Variants in TIMM23B observed in about 807,000 individuals in gnomAD.
The protein encoded by TIMM23B is mitochondrial import inner membrane translocase subunit Tim23B.
A neutral mutation model predicts 27.3 loss-of-function variants in TIMM23B; 27 were observed. The ratio of observed to expected loss-of-function variants is 0.99; its 90% CI spans 0.73 to 1.36. TIMM23B has a LOEUF of 1.36. Ranked by LOEUF, TIMM23B falls within the 40% of genes most tolerant of loss-of-function variation. The probability of loss-of-function intolerance (pLI) is 0.00; values close to 1 mark genes in which losing one functional copy is unlikely to be tolerated. For missense variants in TIMM23B, 205 were observed against 244.2 expected, an observed-to-expected ratio of 0.84 and a Z score of 1.07; for synonymous variants, 73 against 92.4, an observed-to-expected ratio of 0.79 and a Z score of 1.21.
At chr10:49,953,353 T>G (rs1286989075) in intron 4 of TIMM23B, among the ~76,000 whole-genome samples, 40,441 of 151,970 alleles carry the variant, frequency 0.27, 5,672 homozygotes, top group Non-Finnish European at 0.32. Context: ...TTAAATTGTG[T>G]GGTTTTTTGA....
At position 49,966,693 on chromosome 10, in the gene TIMM23B, C is replaced by T. The variant is rs377667056; in HGVS notation, c.515-6319C>T. Among the ~76,000 whole-genome samples, 16 of 152,170 alleles carry T rather than the reference C, an allele frequency of 1.1e-4. No homozygotes were observed. In the East Asian group the frequency reaches 2.1e-3, roughly 20 times the overall value. On this transcript the variant is annotated intron_variant, in intron 6 of 6. Transcript: ENST00000651259. Reference sequence around the variant, plus strand: ...TAAAAAAACTAGCCGGGCATGATAGCGGGTGCCTGTAATCCCAGCTACTTG... The same window carrying T: ...TAAAAAAACTAGCCGGGCATGATAGTGGGTGCCTGTAATCCCAGCTACTTG...
chr10:49,957,900 T>A (rs1839778435), intron 5 of TIMM23B, among the ~76,000 whole-genome samples: 1 of 152,208 alleles, frequency 6.6e-6, no homozygotes, highest in Non-Finnish European at 1.5e-5. Flanking sequence ...CAGATTCTCC[T>A]TGGCCTTTCT....
intron 2 of TIMM23B, among the ~76,000 whole-genome samples, chr10:49,945,574 T>C (rs1839329939): frequency 6.6e-6 from 1 of 152,080 alleles, no homozygotes; most frequent in East Asian, 1.9e-4. Context: ...AGAGACCGGG[T>C]TTCACCATGT....
chr10:49,967,416 G>T (rs1170165829), intron 6 of TIMM23B, among the ~76,000 whole-genome samples: 1 of 152,068 alleles, frequency 6.6e-6, no homozygotes, highest in African/African-American at 2.4e-5. Flanking sequence ...TTATGTCTGT[G>T]CCCTGTCTTC....
intron 2 of TIMM23B, among the ~76,000 whole-genome samples, chr10:49,946,899 C>G (rs1839370474): frequency 6.6e-6 from 1 of 151,364 alleles, no homozygotes; most frequent in African/African-American, 2.4e-5. Flanking sequence ...TTGCCAATTT[C>G]AAAACTTTCT....
chr10:49,946,248 A>G (rs1839353609), intron 2 of TIMM23B, among the ~76,000 whole-genome samples: 2 of 150,444 alleles, frequency 1.3e-5, no homozygotes, highest in Non-Finnish European at 3.0e-5. Context: ...TGCCATCTAC[A>G]GAATATCCAA....
chr10:49,960,700 A>G (rs1200084685), intron 6 of TIMM23B, among the ~76,000 whole-genome samples: 209 of 151,532 alleles, frequency 1.4e-3, no homozygotes, highest in African/African-American at 3.0e-3. Flanking sequence ...TTTCTCACCA[A>G]ACCAAATTAC....
chr10:49,968,050 A>G (rs138054625), intron 6 of TIMM23B, among the ~76,000 whole-genome samples: 17 of 151,460 alleles, frequency 1.1e-4, no homozygotes, highest in Admixed American at 8.5e-4. Flanking sequence ...CAAAACTCTT[A>G]CTGGCTTGAG....
chr10:49,959,937 C>T (rs1156292228), intron 6 of TIMM23B, among the ~76,000 whole-genome samples: 4 of 151,150 alleles, frequency 2.6e-5, no homozygotes, highest in South Asian at 2.1e-4. Flanking sequence ...TTAGTAGAGA[C>T]GGGGTTTCAC....
At chr10:49,957,838 A>C (rs1353828405) in intron 5 of TIMM23B, among the ~76,000 whole-genome samples, 23 of 152,328 alleles carry the variant, frequency 1.5e-4, no homozygotes, top group African/African-American at 5.3e-4. Context: ...CAAAAAGGAC[A>C]TGCTCTACTA....
At position 49,942,274 on chromosome 10, in the gene TIMM23B, C is replaced by G. The variant is rs1204058100; in HGVS notation, c.80C>G (p.Ser27Trp). ...TTCGGAGCCGGCGAAGCAGGTTACT[C>G]GCACGCGGATTTGGCTGGCGTCCCG... ...GFFGAGEAGY[S>W]HADLAGVPLT... Residue 27 changes from serine to tryptophan, a missense_variant, in exon 1 of 7, where the codon TCG becomes TGG. Ser to Trp is a radical substitution (Grantham distance 177). Transcript: ENST00000651259. 1.2e-6 allele frequency: 2 copies of G among 1,612,414 alleles called. No individual in the cohort carries two copies. The highest frequency in any genetic ancestry group is 4.5e-5 in the East Asian group (2 of 44,808).
intron 6 of TIMM23B, among the ~76,000 whole-genome samples, chr10:49,959,204 AT>A (rs1219491854): frequency 6.6e-6 from 1 of 151,966 alleles, no homozygotes; most frequent in Non-Finnish European, 1.5e-5. Flanking sequence ...TTTTTCATTC[AT>A]TTTAGTTTAG....
rs1839313975 is a variant in TIMM23B at position 49,945,082 on chromosome 10, C to T, written c.157C>T (p.Leu53Phe). ...CPYLNVDPRY[L>F]VQDTDEFILP... is the part of the protein sequence containing the mutation. ...TTATTTAAATGTGGATCCACGATAC[C>T]TCGTGCAGGTAAGACTAAGATTTTA... Residue 53 changes from leucine (L) to phenylalanine (F), a missense_variant, in exon 2 of 7, where the codon CTC (leucine) becomes TTC (phenylalanine). Coordinates refer to ENST00000651259, the MANE Select transcript of TIMM23B (RefSeq NM_001290117.2). 1 of 1,608,892 alleles carries T rather than the reference C, an allele frequency of 6.2e-7. No individual in the cohort carries two copies.
intron 6 of TIMM23B, among the ~76,000 whole-genome samples, chr10:49,968,442 C>T (rs1297941821): frequency 4.6e-5 from 7 of 152,180 alleles, no homozygotes; most frequent in African/African-American, 9.7e-5. Context: ...AATTCCTCAG[C>T]GAATCAAGTG....
intron 6 of TIMM23B, among the ~76,000 whole-genome samples, chr10:49,962,162 G>C (rs1839938857): frequency 6.6e-6 from 1 of 151,660 alleles, no homozygotes; most frequent in Non-Finnish European, 1.5e-5. Context: ...TGAAAGTGCT[G>C]ATACTTAGAA....
chr10:49,946,031 A>T (rs1450386651), intron 2 of TIMM23B, among the ~76,000 whole-genome samples: 4 of 152,238 alleles, frequency 2.6e-5, no homozygotes, highest in Non-Finnish European at 5.9e-5. Flanking sequence ...TTCTACTAAA[A>T]ATACAAAAAT....
intron 6 of TIMM23B, among the ~76,000 whole-genome samples, chr10:49,963,959 T>C (rs1386913750): frequency 4.5e-3 from 681 of 151,924 alleles, no homozygotes; most frequent in East Asian, 0.018. Flanking sequence ...AACAAGCCTC[T>C]GGCTCGAAAT....
At chr10:49,947,351 T>G (rs1163695424) in intron 2 of TIMM23B, among the ~76,000 whole-genome samples, 1 of 152,216 alleles carries the variant, frequency 6.6e-6, no homozygotes, top group Non-Finnish European at 1.5e-5. Context: ...CTCACACCTG[T>G]AATCCCAGCA....
intron 6 of TIMM23B, among the ~76,000 whole-genome samples, chr10:49,964,785 GA>G (rs1384606582): frequency 6.6e-6 from 1 of 151,856 alleles, no homozygotes; most frequent in African/African-American, 2.4e-5. Flanking sequence ...AATGCCGGGT[GA>G]AATGAAATGA....
Sources: gnomAD v4.1 joint callset for allele counts (sites outside exome capture counted in the v4.1 genomes callset) on GRCh38, gnomAD v4.1.1 for gene constraint, MANE v1.5 for transcripts, NCBI Gene and HGNC (gene_info 2026-07-23, HGNC 2026-07-21) for gene names.